Variants in CACNA1C observed in about 807,000 individuals in gnomAD.
CACNA1C encodes voltage-dependent L-type calcium channel subunit alpha-1C.
CACNA1C carries 30 observed loss-of-function variants against 229.0 expected under a neutral mutation model. The observed-to-expected ratio is 0.13, with a 90% CI of 0.10 to 0.18. The LOEUF is 0.18. Ranked by LOEUF, CACNA1C falls within the 10% of genes least tolerant of loss-of-function variation. The pLI, the probability that CACNA1C is intolerant of heterozygous loss-of-function variation, is 1.00. For missense variants in CACNA1C, 1,658 were observed against 2,845.0 expected, an observed-to-expected ratio of 0.58 and a Z score of 9.49; for synonymous variants, 1,114 against 1,132.5, an observed-to-expected ratio of 0.98 and a Z score of 0.33.
chr12:2,312,594 A>C (rs2095496338), intron 3 of CACNA1C, among the ~76,000 whole-genome samples: 1 of 152,160 alleles, frequency 6.6e-6, no homozygotes, highest in Non-Finnish European at 1.5e-5. Flanking sequence ...TCCAGACCCT[A>C]ACCACCCTGG....
intron 1 of CACNA1C, among the ~76,000 whole-genome samples, chr12:1,984,639 A>T (rs182804046): frequency 1.3e-5 from 2 of 152,138 alleles, no homozygotes; most frequent in East Asian, 3.9e-4. Context: ...AGGAGAAAAA[A>T]TAAATCTTTT....
At chr12:2,567,843 C>A (rs902113254) in intron 13 of CACNA1C, 49 bp downstream of exon 13, 5 of 1,203,980 alleles carry the variant, frequency 4.2e-6, no homozygotes, top group East Asian at 2.4e-5. Flanking sequence ...GGAAGAAGTT[C>A]TTCCAGAGGG....
At position 2,493,167 on chromosome 12, in the gene CACNA1C, C is replaced by T; in HGVS notation, c.917-23C>T. 1 of 1,606,156 alleles carries T rather than the reference C, an allele frequency of 6.2e-7. No homozygotes were observed. Among genetic ancestry groups the T allele is most frequent in the Non-Finnish European group, 8.5e-7 (1 of 1,173,104 alleles). On this transcript the variant is annotated intron_variant, in intron 6 of 46. Transcript: ENST00000399655. This position sits in a 1 kb window ranked among gnomAD's most constrained non-coding sequence, Gnocchi z 4.6. Reference sequence around the variant, plus strand: ...TCTCCCTCCCTGCTGCTCCCGTCTCCTGTCTTCTTCTGGCCATTTGAGATG... The same window carrying T: ...TCTCCCTCCCTGCTGCTCCCGTCTCTTGTCTTCTTCTGGCCATTTGAGATG...
chr12:2,213,848 G>T (rs943774291), intron 3 of CACNA1C, among the ~76,000 whole-genome samples: 1 of 152,174 alleles, frequency 6.6e-6, no homozygotes, highest in Non-Finnish European at 1.5e-5. Context: ...CCCTCCTCCC[G>T]CAGTCCATCC....
intron 3 of CACNA1C, among the ~76,000 whole-genome samples, chr12:2,352,716 A>G (rs897525205): frequency 6.6e-6 from 1 of 151,450 alleles, no homozygotes; most frequent in Non-Finnish European, 1.5e-5. Context: ...CTGAATTAGC[A>G]CTGCATTACT....
Position 2,666,822 on chromosome 12 carries a change from A to AG in CACNA1C, c.4623+44dup. 8.0e-7 allele frequency: 1 copy of AG among 1,242,448 alleles called. No individual in the cohort carries two copies. 77.0% of individuals were successfully genotyped at this position (1,242,448 alleles called of 1,614,324 possible). On this transcript the variant is annotated intron_variant, in intron 37 of 46. Transcript: ENST00000399655. The surrounding 1 kb of genome is among the most constrained non-coding windows in gnomAD (Gnocchi z 5.3). ...GGTTCATGGGAGGGAGAGGGAAAAT[A>AG]GGGGAAGTGAAGTGCCCATTTCTTG...
At chr12:2,069,237 A>G (rs994206081) in intron 1 of CACNA1C, among the ~76,000 whole-genome samples, 2 of 152,060 alleles carry the variant, frequency 1.3e-5, no homozygotes, top group Admixed American at 1.3e-4. Context: ...CCTCCTAATG[A>G]TTTTTCCTGG....
chr12:2,587,055 G>A (rs1601207550), intron 18 of CACNA1C, among the ~76,000 whole-genome samples: 1 of 152,184 alleles, frequency 6.6e-6, no homozygotes, highest in Non-Finnish European at 1.5e-5. Context: ...AGGGAAATGG[G>A]GGAAATTGAA....
intron 9 of CACNA1C, among the ~76,000 whole-genome samples, chr12:2,518,125 G>C (rs907268689): frequency 1.3e-5 from 2 of 152,214 alleles, no homozygotes; most frequent in Non-Finnish European, 1.5e-5. Flanking sequence ...AGCTAGCAGA[G>C]CCACGTGCCT....
At chr12:2,049,092 C>T (rs534873909), upstream of CACNA1C, 36 of 152,320 alleles carry the variant, frequency 2.4e-4, no homozygotes, top group Non-Finnish European at 4.0e-4. Flanking sequence ...TCTTTTTCCA[C>T]GTTACTAATA....
At chr12:2,032,853 G>A (rs758261157) in intron 1 of CACNA1C, among the ~76,000 whole-genome samples, 5 of 152,218 alleles carry the variant, frequency 3.3e-5, no homozygotes, top group African/African-American at 1.2e-4. Flanking sequence ...TTTATAGAAC[G>A]AGGTCCTGAT....
intron 3 of CACNA1C, chr12:2,220,985 C>G (rs1331425170): frequency 6.6e-6 from 1 of 152,210 alleles, no homozygotes; most frequent in Non-Finnish European, 1.5e-5. Context: ...TTTGTGGTAA[C>G]ATGACTGTGG....
chr12:2,199,898 TA>T (rs1014449122), intron 3 of CACNA1C, among the ~76,000 whole-genome samples: 1 of 151,880 alleles, frequency 6.6e-6, no homozygotes, highest in African/African-American at 2.4e-5. Flanking sequence ...ATACCAATAA[TA>T]AAAAAAAGTG....
chr12:2,043,742 G>A (rs1047041894), intron 1 of CACNA1C, among the ~76,000 whole-genome samples: 2 of 128,514 alleles, frequency 1.6e-5, no homozygotes, highest in African/African-American at 6.3e-5. Context: ...TGCAAGCTCC[G>A]CTTCCCGGGT....
rs1281902207 is a variant in CACNA1C at position 2,666,423 on chromosome 12, T to C, written c.4527-263T>C. Among the ~76,000 whole-genome samples, 1 of 152,218 alleles carries C rather than the reference T, an allele frequency of 6.6e-6. No homozygotes were observed. The highest frequency in any genetic ancestry group is 1.5e-5 in the Non-Finnish European group (1 of 68,034). On this transcript the variant is annotated intron_variant, in intron 36 of 46. Coordinates refer to ENST00000399655, the MANE Select transcript of CACNA1C (RefSeq NM_000719.7). This position sits in a 1 kb window ranked among gnomAD's most constrained non-coding sequence, Gnocchi z 5.3. ...CAGCAAGTATATATTGAGAATTTTG[T>C]TGCACTGCTAAAATCCCTTCCACCT...
At chr12:2,302,963 G>T (rs566956394) in intron 3 of CACNA1C, among the ~76,000 whole-genome samples, 2 of 152,188 alleles carry the variant, frequency 1.3e-5, no homozygotes, top group South Asian at 4.1e-4. Flanking sequence ...GGCCCCGGGA[G>T]GGGGGCCTGG....
rs900856550 is a variant in CACNA1C at position 2,595,435 on chromosome 12, C to G, written c.2664-439C>G. ...ATGGAAGTGAATTGCACATTTAAAG[C>G]TATTACACAGGAGCAGATCACCTAC... On this transcript the variant is annotated intron_variant, in intron 19 of 46. Transcript: ENST00000399655. The surrounding 1 kb of genome is among the most constrained non-coding windows in gnomAD (Gnocchi z 4.1). Among the ~76,000 whole-genome samples, 1 of 152,150 alleles carries G rather than the reference C, an allele frequency of 6.6e-6. No individual in the cohort carries two copies. The highest frequency in any genetic ancestry group is 2.1e-4 in the South Asian group (1 of 4,830).
rs560450860 is a variant in CACNA1C at position 2,512,092 on chromosome 12, C to T, written c.1218-720C>T. 5.9e-5 allele frequency among the ~76,000 whole-genome samples: 9 copies of T among 152,178 alleles called. No individual in the cohort carries two copies. The South Asian group carries it at 8.3e-4, about 14-fold the overall frequency. ...GGAATGCTGAGTGGCAGGTTGAGCT[C>T]GTCATAAGAATAGAGATTGAGGACA... On this transcript the variant is annotated intron_variant, in intron 8 of 46. Coordinates refer to ENST00000399655, the MANE Select transcript of CACNA1C (RefSeq NM_000719.7). The surrounding 1 kb of genome is among the most constrained non-coding windows in gnomAD (Gnocchi z 4.3).
At chr12:2,261,082 T>A (rs140620180) in intron 3 of CACNA1C, among the ~76,000 whole-genome samples, 8,680 of 151,582 alleles carry the variant, frequency 0.057, 324 homozygotes, top group African/African-American at 0.093. Flanking sequence ...TACAAAAAAA[T>A]TTAGCCAGGT....
Sources: gnomAD v4.1 joint callset for allele counts (sites outside exome capture counted in the v4.1 genomes callset) on GRCh38, gnomAD v4.1.1 for gene constraint, Gnocchi (gnomAD v3.1) non-coding constraint, MANE v1.5 for transcripts, NCBI Gene and HGNC (gene_info 2026-07-23, HGNC 2026-07-21) for gene names.